Variants in EYS observed in about 807,000 individuals in gnomAD.
EYS encodes protein eyes shut homolog.
In EYS, 250 loss-of-function variants were observed where a neutral mutation model predicts 282.1. The observed-to-expected ratio is 0.89, with a 90% confidence interval of 0.80 to 0.98. The LOEUF (loss-of-function observed/expected upper bound fraction) is 0.98, where lower values mean the gene tolerates loss of function less well. Among genes scored for constraint, EYS ranks in the 50% least tolerant of loss-of-function variants. EYS has a pLI of 0.00. For missense variants in EYS, 4,016 were observed against 3,709.0 expected (o/e 1.08, Z -2.15); for synonymous variants, 1,355 against 1,282.9 (o/e 1.06, Z -1.20).
intron 22 of EYS, among the ~76,000 whole-genome samples, chr6:64,666,578 C>A (rs896878527): frequency 1.3e-5 from 2 of 152,190 alleles, no homozygotes; most frequent in African/African-American, 4.8e-5. Context: ...GCTGTAATGT[C>A]TGTTGTCTTC....
At chr6:64,919,020 T>C (rs554555004) in intron 15 of EYS, among the ~76,000 whole-genome samples, 18 of 152,338 alleles carry the variant, frequency 1.2e-4, no homozygotes, top group African/African-American at 4.3e-4. Context: ...TTCATTATGA[T>C]ATTCTGCAGT....
At chr6:63,891,570 A>T (rs890823049) in intron 35 of EYS, among the ~76,000 whole-genome samples, 1 of 152,218 alleles carries the variant, frequency 6.6e-6, no homozygotes, top group Non-Finnish European at 1.5e-5. Context: ...TAAACTAGGT[A>T]TTGATGGAAC....
intron 22 of EYS, among the ~76,000 whole-genome samples, chr6:64,636,146 A>G (rs1356865925): frequency 2.0e-5 from 3 of 152,184 alleles, no homozygotes; most frequent in Non-Finnish European, 2.9e-5. Flanking sequence ...ATCCTAAGCC[A>G]AAAGAACAAA....
At chr6:65,136,751 T>C (rs572977059) in intron 12 of EYS, among the ~76,000 whole-genome samples, 7 of 152,236 alleles carry the variant, frequency 4.6e-5, no homozygotes, top group African/African-American at 1.7e-4. Flanking sequence ...AGTGGCATGG[T>C]CTCAGCTTAC....
At chr6:65,175,917 AT>A (rs1008053435) in intron 12 of EYS, among the ~76,000 whole-genome samples, 25 of 151,478 alleles carry the variant, frequency 1.7e-4, no homozygotes, top group African/African-American at 5.8e-4. Context: ...TGAGATGTTT[AT>A]TTTCCCCCAA....
intron 5 of EYS, among the ~76,000 whole-genome samples, chr6:65,436,054 C>T (rs1388055397): frequency 6.6e-6 from 1 of 151,906 alleles, no homozygotes; most frequent in Non-Finnish European, 1.5e-5. Flanking sequence ...CCTAACAAAT[C>T]AATATAACAC....
At chr6:65,418,921 C>G (rs1767348868) in intron 5 of EYS, among the ~76,000 whole-genome samples, 1 of 151,940 alleles carries the variant, frequency 6.6e-6, no homozygotes, top group African/African-American at 2.4e-5. Flanking sequence ...ACAGTGAAGC[C>G]TCTCTACATC....
intron 12 of EYS, among the ~76,000 whole-genome samples, chr6:65,209,282 A>G (rs952948347): frequency 2.6e-5 from 4 of 151,520 alleles, no homozygotes; most frequent in Non-Finnish European, 4.4e-5. Flanking sequence ...CTTCCTATGT[A>G]TATTTATTAC....
At chr6:64,927,567 T>A (rs1768558242) in intron 15 of EYS, among the ~76,000 whole-genome samples, 1 of 152,112 alleles carries the variant, frequency 6.6e-6, no homozygotes, top group African/African-American at 2.4e-5. Flanking sequence ...AACAACCCTT[T>A]CATCACTGAT....
At chr6:64,576,397 G>A (rs1765882512) in intron 26 of EYS, among the ~76,000 whole-genome samples, 1 of 152,030 alleles carries the variant, frequency 6.6e-6, no homozygotes, top group Non-Finnish European at 1.5e-5. Context: ...GACTTTAAAA[G>A]TCCTAAGTAT....
At chr6:65,419,676 A>C (rs1037329575) in intron 5 of EYS, among the ~76,000 whole-genome samples, 1 of 151,980 alleles carries the variant, frequency 6.6e-6, no homozygotes, top group Non-Finnish European at 1.5e-5. Context: ...ATATATCCAA[A>C]ATAAAATTAT....
chr6:64,187,284 C>A (rs186314886), intron 31 of EYS, among the ~76,000 whole-genome samples: 3 of 152,168 alleles, frequency 2.0e-5, no homozygotes, highest in Admixed American at 6.6e-5. Flanking sequence ...CACAGTGAAG[C>A]ATCTCTTTTC....
At chr6:64,028,990 G>A (rs900952199) in intron 33 of EYS, among the ~76,000 whole-genome samples, 3 of 152,136 alleles carry the variant, frequency 2.0e-5, no homozygotes, top group African/African-American at 4.8e-5. Flanking sequence ...AAACAGTTGA[G>A]GGGGTTCCTT....
At chr6:65,005,824 C>A (rs189065214) in intron 13 of EYS, among the ~76,000 whole-genome samples, 1 of 152,324 alleles carries the variant, frequency 6.6e-6, no homozygotes, top group Non-Finnish European at 1.5e-5. Flanking sequence ...ATGGCACAGC[C>A]AGAAGTCTCT....
At chr6:64,605,927 G>C (rs1317172620) in intron 24 of EYS, among the ~76,000 whole-genome samples, 2 of 151,894 alleles carry the variant, frequency 1.3e-5, no homozygotes, top group Non-Finnish European at 2.9e-5. Context: ...GTCACAGAAT[G>C]TTCAACTGAC....
chr6:64,330,705 A>G (rs1770612010), intron 29 of EYS, among the ~76,000 whole-genome samples: 1 of 152,184 alleles, frequency 6.6e-6, no homozygotes, highest in South Asian at 2.1e-4. Context: ...ATTTGGACAA[A>G]GGTTAATAAT....
chr6:65,284,305 T>A (rs1187230355), intron 12 of EYS, among the ~76,000 whole-genome samples: 2 of 152,146 alleles, frequency 1.3e-5, no homozygotes, highest in Non-Finnish European at 2.9e-5. Flanking sequence ...AATATCCTGC[T>A]TCTGCCATTT....
intron 8 of EYS, among the ~76,000 whole-genome samples, chr6:65,369,927 C>T (rs1765072362): frequency 6.6e-6 from 1 of 151,650 alleles, no homozygotes; most frequent in Admixed American, 6.7e-5. Context: ...GCACTGACAA[C>T]CCAGTCCCTA....
intron 36 of EYS, among the ~76,000 whole-genome samples, chr6:63,838,714 C>T (rs568048856): frequency 9.7e-4 from 148 of 152,218 alleles, no homozygotes; most frequent in African/African-American, 3.5e-3. Context: ...GGCCTTTTCT[C>T]CTAAAGAGTA....
Sources: gnomAD v4.1 joint callset for allele counts (sites outside exome capture counted in the v4.1 genomes callset) on GRCh38, gnomAD v4.1.1 for gene constraint, MANE v1.5 for transcripts, NCBI Gene and HGNC (gene_info 2026-07-23, HGNC 2026-07-21) for gene names.